GPC6: variants seen among roughly 807,000 people sequenced by gnomAD.
The protein encoded by GPC6 is glypican 6, also known as glypican-6.
In GPC6, 14 loss-of-function variants were observed where a neutral mutation model predicts 55.2. The observed-to-expected ratio is 0.25, with a 90% confidence interval of 0.17 to 0.40. GPC6 has a LOEUF of 0.40. Among genes scored for constraint, GPC6 ranks in the 10% least tolerant of loss-of-function variants. GPC6 has a pLI of 1.00. For missense variants in GPC6, 641 were observed against 708.5 expected, an observed-to-expected ratio of 0.90 and a Z score of 1.08; for synonymous variants, 278 against 259.6, an observed-to-expected ratio of 1.07 and a Z score of -0.68.
At chr13:94,344,762 G>A (rs761644360) in intron 6 of GPC6, among the ~76,000 whole-genome samples, 23 of 152,124 alleles carry the variant, frequency 1.5e-4, no homozygotes, top group Non-Finnish European at 2.4e-4. Flanking sequence ...TTTCTTTGTC[G>A]ATATGCTTTG....
At chr13:93,541,024 CT>C (rs141122938) in intron 1 of GPC6, among the ~76,000 whole-genome samples, 7,259 of 148,198 alleles carry the variant, frequency 0.049, 566 homozygotes, top group African/African-American at 0.17. Flanking sequence ...GGATATCATC[CT>C]TTTTTTTTTA....
At chr13:94,223,964 C>T (rs1342672799) in intron 4 of GPC6, among the ~76,000 whole-genome samples, 3 of 152,058 alleles carry the variant, frequency 2.0e-5, no homozygotes, top group South Asian at 2.1e-4. Context: ...CTTCTTGTTT[C>T]GGCTGTCACA....
intron 2 of GPC6, among the ~76,000 whole-genome samples, chr13:93,826,014 C>A (rs945573519): frequency 6.6e-6 from 1 of 151,902 alleles, no homozygotes; most frequent in African/African-American, 2.4e-5. Context: ...GTGCCCACCA[C>A]CATGCCTGGC....
chr13:93,826,493 T>C (rs182049788), intron 2 of GPC6, among the ~76,000 whole-genome samples: 2 of 152,082 alleles, frequency 1.3e-5, no homozygotes, highest in East Asian at 1.9e-4. Flanking sequence ...TTTAAGCAAG[T>C]TTTTAATAGG....
chr13:93,650,183 A>C, intron 2 of GPC6, among the ~76,000 whole-genome samples: 1 of 152,194 alleles, frequency 6.6e-6, no homozygotes, highest in East Asian at 1.9e-4. Flanking sequence ...CTGAATTAAC[A>C]TAAGATCATT....
intron 4 of GPC6, among the ~76,000 whole-genome samples, chr13:94,151,196 T>C (rs562389823): frequency 1.2e-4 from 18 of 152,100 alleles, no homozygotes; most frequent in Admixed American, 3.3e-4. Flanking sequence ...TTTTTACACC[T>C]AGAATACCTT....
At chr13:93,705,126 G>A (rs1384143927) in intron 2 of GPC6, among the ~76,000 whole-genome samples, 2 of 151,920 alleles carry the variant, frequency 1.3e-5, no homozygotes, top group Non-Finnish European at 2.9e-5. Flanking sequence ...AATCAGATTG[G>A]TCTGGAGCAG....
chr13:93,812,095 ACGTT>A (rs1886709643), intron 2 of GPC6, among the ~76,000 whole-genome samples: 1 of 128,296 alleles, frequency 7.8e-6, no homozygotes, highest in African/African-American at 3.0e-5. Flanking sequence ...TGGGCTGGGT[ACGTT>A]GGCTCACGCC....
intron 2 of GPC6, among the ~76,000 whole-genome samples, chr13:93,748,146 T>C (rs778589523): frequency 6.6e-6 from 1 of 152,220 alleles, no homozygotes; most frequent in Non-Finnish European, 1.5e-5. Context: ...TTTTGCTCAA[T>C]ATTACCAACG....
intron 4 of GPC6, among the ~76,000 whole-genome samples, chr13:94,074,917 A>G (rs1212085342): frequency 7.2e-5 from 11 of 152,354 alleles, no homozygotes; most frequent in Middle Eastern, 6.8e-3. Context: ...TAGACATTTT[A>G]TAACCTCTTT....
In GPC6 at chr13:93,468,324, A is replaced by G. The variant is rs560864386; in HGVS notation, c.161-76939A>G. Among the ~76,000 whole-genome samples, 482 of 152,230 alleles carry G rather than the reference A, an allele frequency of 3.2e-3. 2 individuals carry two copies. The highest frequency in any genetic ancestry group is 5.2e-3 in the Non-Finnish European group (356 of 67,994). On this transcript the variant is annotated intron_variant, in intron 1 of 8. Transcript: ENST00000377047. ...TATTTTAATGAAGTTTATGCCTTAA[A>G]ATGAGACAGTTTCTCCACTTATCCC...
At chr13:93,710,376 A>G (rs917022460) in intron 2 of GPC6, among the ~76,000 whole-genome samples, 2 of 151,748 alleles carry the variant, frequency 1.3e-5, no homozygotes, top group Admixed American at 1.3e-4. Context: ...GAGCACTAGG[A>G]GTTGGGAAAT....
At chr13:93,368,088 C>A (rs1338931659) in intron 1 of GPC6, among the ~76,000 whole-genome samples, 1 of 152,098 alleles carries the variant, frequency 6.6e-6, no homozygotes, top group Non-Finnish European at 1.5e-5. Flanking sequence ...CCTTTTGCTT[C>A]AAATACTTTT....
chr13:93,444,891 G>A (rs1289320108), intron 1 of GPC6, among the ~76,000 whole-genome samples: 3 of 152,138 alleles, frequency 2.0e-5, no homozygotes. Context: ...GTTTTTAGAA[G>A]TAGTGTACAA....
chr13:93,581,173 G>A (rs191588008), intron 2 of GPC6, among the ~76,000 whole-genome samples: 35 of 152,308 alleles, frequency 2.3e-4, no homozygotes, highest in African/African-American at 7.7e-4. Flanking sequence ...ACATGTGAAT[G>A]TCATGCTTCA....
intron 2 of GPC6, among the ~76,000 whole-genome samples, chr13:93,654,038 GTT>G (rs1362449755): frequency 6.6e-6 from 1 of 152,062 alleles, no homozygotes; most frequent in Non-Finnish European, 1.5e-5. Flanking sequence ...AATTTCACAT[GTT>G]GTTTTAGCTC....
chr13:93,356,119 G>T (rs996493867), intron 1 of GPC6, among the ~76,000 whole-genome samples: 6 of 152,096 alleles, frequency 3.9e-5, no homozygotes, highest in Admixed American at 1.3e-4. Flanking sequence ...TATAATCTTG[G>T]CCTTTGCAGA....
chr13:93,295,109 C>CAAAAAAAAAAAAA (rs71202577), intron 1 of GPC6, among the ~76,000 whole-genome samples: 1 of 61,830 alleles, frequency 1.6e-5, no homozygotes, highest in Admixed American at 1.8e-4. Flanking sequence ...TCTGTCTCTG[C>CAAAAAAAAAAAAA]AAAAAAAAAA....
intron 4 of GPC6, among the ~76,000 whole-genome samples, chr13:94,270,962 T>C (rs1228814882): frequency 8.3e-6 from 1 of 120,200 alleles, no homozygotes; most frequent in East Asian, 2.5e-4. Flanking sequence ...CAGAGAAGTA[T>C]AATTTTTTTT....
Sources: gnomAD v4.1 joint callset for allele counts (sites outside exome capture counted in the v4.1 genomes callset) on GRCh38, gnomAD v4.1.1 for gene constraint, MANE v1.5 for transcripts, NCBI Gene and HGNC (gene_info 2026-07-23, HGNC 2026-07-21) for gene names.